CRTAP: variants seen among roughly 807,000 people sequenced by gnomAD.
CRTAP encodes the protein cartilage associated protein.
Under a neutral mutation model 42.7 loss-of-function variants are expected in CRTAP, and 33 were observed. That is an observed-to-expected ratio of 0.77 (90% CI 0.59 to 1.03). The LOEUF (loss-of-function observed/expected upper bound fraction) is 1.03, where lower values mean the gene tolerates loss of function less well. CRTAP is among the 50% of genes least tolerant of loss of function. The probability of loss-of-function intolerance (pLI) is 0.00; values close to 1 mark genes in which losing one functional copy is unlikely to be tolerated. For synonymous variants in CRTAP, 243 were observed against 217.7 expected, an observed-to-expected ratio of 1.12 and a Z score of -1.02; for missense variants, 613 against 533.9, an observed-to-expected ratio of 1.15 and a Z score of -1.46.
chr3:33,121,655 G>C (rs2029880924), intron 2 of CRTAP, among the ~76,000 whole-genome samples: 1 of 152,206 alleles, frequency 6.6e-6, no homozygotes, highest in Non-Finnish European at 1.5e-5. Context: ...CTGAGAACCA[G>C]TGTGGGGAGA....
At chr3:33,141,831 G>A (rs1020881948) in intron 6 of CRTAP, among the ~76,000 whole-genome samples, 9 of 152,328 alleles carry the variant, frequency 5.9e-5, no homozygotes, top group Middle Eastern at 3.4e-3. Flanking sequence ...CCGACACTGG[G>A]CAAGTGGATC....
At chr3:33,132,949 G>A (rs1178141927) in intron 5 of CRTAP, among the ~76,000 whole-genome samples, 1 of 151,990 alleles carries the variant, frequency 6.6e-6, no homozygotes, top group Non-Finnish European at 1.5e-5. Flanking sequence ...GTGGTGGCAC[G>A]TGGCTGTAGT....
chr3:33,127,561 C>A (rs1459396796), intron 3 of CRTAP, among the ~76,000 whole-genome samples: 1 of 151,966 alleles, frequency 6.6e-6, no homozygotes, highest in Non-Finnish European at 1.5e-5. Flanking sequence ...AATCCTCCTG[C>A]CTCAGCCTCC....
chr3:33,125,433 C>T (rs918562991), intron 3 of CRTAP, among the ~76,000 whole-genome samples: 4 of 108,096 alleles, frequency 3.7e-5, no homozygotes, highest in African/African-American at 1.4e-4. Context: ...CCAGCGTTTT[C>T]GGTTTTGTTT....
At chr3:33,133,070 T>C (rs1184008361) in intron 5 of CRTAP, among the ~76,000 whole-genome samples, 1 of 152,218 alleles carries the variant, frequency 6.6e-6, no homozygotes, top group Non-Finnish European at 1.5e-5. Context: ...GTCATTTTTT[T>C]CTGTAGTTTT....
chr3:33,129,878 C>T (rs1484015411), intron 3 of CRTAP, 61 bp from the exon 4 acceptor site: 5 of 1,516,104 alleles, frequency 3.3e-6, no homozygotes, highest in Non-Finnish European at 4.6e-6. Flanking sequence ...GGGCAGGAGG[C>T]AGTAGCATAT....
At chr3:33,135,984 T>C (rs538206466) in intron 6 of CRTAP, among the ~76,000 whole-genome samples, 25 of 152,288 alleles carry the variant, frequency 1.6e-4, no homozygotes, top group Admixed American at 6.5e-4. Context: ...CTTTAGAACA[T>C]TTTTATTGCC....
intron 1 of CRTAP, among the ~76,000 whole-genome samples, chr3:33,119,277 AG>A (rs1701384725): frequency 1.3e-5 from 2 of 152,210 alleles, no homozygotes; most frequent in African/African-American, 2.4e-5. Flanking sequence ...CCTTGTCCTG[AG>A]GACTGTGTGA....
intron 1 of CRTAP, among the ~76,000 whole-genome samples, chr3:33,117,885 T>G (rs1701362861): frequency 6.6e-6 from 1 of 152,254 alleles, no homozygotes; most frequent in Non-Finnish European, 1.5e-5. Context: ...CAGGAAGAGA[T>G]TCCGTTTTGT....
At chr3:33,114,624 G>A (rs1425236588) in intron 1 of CRTAP, 76 bp downstream of exon 1, 6 of 1,399,402 alleles carry the variant, frequency 4.3e-6, no homozygotes, top group Non-Finnish European at 5.9e-6. Flanking sequence ...CCGCCCCTGC[G>A]CCCGGGGCCG....
chr3:33,124,117 G>A (rs952948615), intron 2 of CRTAP, among the ~76,000 whole-genome samples: 7 of 152,054 alleles, frequency 4.6e-5, no homozygotes, highest in African/African-American at 1.4e-4. Context: ...CTGACTTCTG[G>A]CAGCCACTGA....
In CRTAP at chr3:33,120,253, A is replaced by G. The variant is rs4074415; in HGVS notation, c.472-91A>G. 155,108 of 1,181,756 alleles carry G rather than the reference A, an allele frequency of 0.13. 17,728 individuals are homozygous for G. Among genetic ancestry groups the G allele is most frequent in the East Asian group, 0.6 (25,695 of 42,514 alleles). 73.2% of individuals were successfully genotyped at this position (1,181,756 alleles called of 1,614,324 possible). On this transcript the variant is annotated intron_variant, in intron 1 of 6. Coordinates refer to ENST00000320954, the MANE Select transcript of CRTAP (RefSeq NM_006371.5). ...TAGCTGGAAAAGTTATAGCAACACA[A>G]AGTTTCTGAAGGACTAAGCAGATAT... is the stretch of plus-strand genomic sequence containing the variant.
rs562381397 is a variant in CRTAP at position 33,129,826 on chromosome 3, C to A, written c.794-113C>A. The stretch of plus-strand genomic sequence containing the variant: ...TGCTGGGATTACAGGCGTGAGCCAC[C>A]GCGCCCGGCCTGTAAATATTTTTCT... On this transcript the variant is annotated intron_variant, in intron 3 of 6. Transcript: ENST00000320954. The A allele has an allele frequency of 8.9e-4, 960 of 1,072,916 alleles. 1 individual carries two copies. The highest frequency in any genetic ancestry group is 1.1e-3 in the Non-Finnish European group (759 of 715,552). The allele number at this position is 1,072,916 out of a possible 1,614,324, so 66.5% of individuals were successfully genotyped here.
At chr3:33,118,855 T>C (rs1216011763) in intron 1 of CRTAP, among the ~76,000 whole-genome samples, 1 of 152,226 alleles carries the variant, frequency 6.6e-6, no homozygotes, top group Non-Finnish European at 1.5e-5. Context: ...CTGTTCTTCC[T>C]GAGGACTTCT....
chr3:33,127,920 G>A (rs1355840959), intron 3 of CRTAP, among the ~76,000 whole-genome samples: 1 of 151,504 alleles, frequency 6.6e-6, no homozygotes, highest in Non-Finnish European at 1.5e-5. Context: ...CTAATGTTTT[G>A]TATTTTTAGT....
chr3:33,116,803 T>G (rs188468404), intron 1 of CRTAP, among the ~76,000 whole-genome samples: 76 of 152,310 alleles, frequency 5.0e-4, no homozygotes, highest in Non-Finnish European at 9.6e-4. Flanking sequence ...GTATGGTGTA[T>G]TTTTTCTCAA....
At chr3:33,127,668 G>A (rs1384034176) in intron 3 of CRTAP, among the ~76,000 whole-genome samples, 3 of 151,660 alleles carry the variant, frequency 2.0e-5, no homozygotes, top group Non-Finnish European at 4.4e-5. Flanking sequence ...GGCTGGTCTC[G>A]AACTCCTGAC....
Position 33,120,291 on chromosome 3 carries a change from A to G in CRTAP, c.472-53A>G, listed in dbSNP as rs2029866889. On this transcript the variant is annotated intron_variant, in intron 1 of 6. Coordinates refer to ENST00000320954, the MANE Select transcript of CRTAP (RefSeq NM_006371.5). ...ACTAAGCAGATATTCTTGTTTTACA[A>G]AAATTACCACTTAGCATCCATGGAG... is the stretch of plus-strand genomic sequence containing the variant. The G allele has an allele frequency of 1.7e-5, 26 of 1,515,268 alleles. 1 individual carries two copies. In the South Asian group the frequency reaches 1.8e-4, roughly 10 times the overall value. 93.9% of individuals were successfully genotyped at this position (1,515,268 alleles called of 1,614,324 possible). A position where few individuals can be genotyped will look rare whatever the true frequency, so the allele number is the denominator to read the frequency against.
intron 1 of CRTAP, among the ~76,000 whole-genome samples, chr3:33,116,873 A>G (rs900851685): frequency 6.6e-6 from 1 of 152,162 alleles, no homozygotes; most frequent in African/African-American, 2.4e-5. Flanking sequence ...TGGGATGCCA[A>G]GGTGGGAGGA....
Sources: gnomAD v4.1 joint callset for allele counts (sites outside exome capture counted in the v4.1 genomes callset) on GRCh38, gnomAD v4.1.1 for gene constraint, MANE v1.5 for transcripts, NCBI Gene and HGNC (gene_info 2026-07-23, HGNC 2026-07-21) for gene names.